Variants in ADARB2 observed in about 807,000 individuals in gnomAD.
The protein encoded by ADARB2 is inactive double-stranded RNA-specific editase B2.
In ADARB2, 25 loss-of-function variants were observed where a neutral mutation model predicts 62.2. The ratio of observed to expected loss-of-function variants is 0.40; its 90% CI spans 0.29 to 0.56. The LOEUF (loss-of-function observed/expected upper bound fraction) is 0.56, where lower values mean the gene tolerates loss of function less well. ADARB2 is among the 20% of genes least tolerant of loss of function. ADARB2 has a pLI of 0.43. For missense variants in ADARB2, 1,071 were observed against 1,077.4 expected (o/e 0.99, Z 0.08); for synonymous variants, 572 against 500.8 (o/e 1.14, Z -1.90).
chr10:1,691,899 ATGTGTGTG>A (rs57984302), intron 1 of ADARB2, among the ~76,000 whole-genome samples: 7 of 150,392 alleles, frequency 4.7e-5, no homozygotes, highest in Non-Finnish European at 8.9e-5. Context: ...TCATTACTAA[ATGTGTGTG>A]TGTGTGTGTG....
intron 3 of ADARB2, among the ~76,000 whole-genome samples, chr10:1,339,795 A>G (rs1055172339): frequency 6.6e-5 from 10 of 152,230 alleles, no homozygotes; most frequent in African/African-American, 2.4e-4. Context: ...CCCACCCGTG[A>G]CCAAGTGCAG....
At chr10:1,542,369 T>C (rs545174378) in intron 1 of ADARB2, among the ~76,000 whole-genome samples, 34 of 2,964 alleles carry the variant, frequency 0.011, no homozygotes, top group African/African-American at 0.023. Context: ...CCGTCCAGAC[T>C]CCACTCAGAC....
chr10:1,362,777 G>A (rs1321380867), intron 3 of ADARB2, among the ~76,000 whole-genome samples: 1 of 152,166 alleles, frequency 6.6e-6, no homozygotes, highest in Non-Finnish European at 1.5e-5. Flanking sequence ...GCAGACAGAG[G>A]CGCCCTGGCC....
chr10:1,260,094 TAAAC>T (rs761080320), intron 4 of ADARB2, among the ~76,000 whole-genome samples: 58 of 144,478 alleles, frequency 4.0e-4, no homozygotes, highest in African/African-American at 1.5e-3. Context: ...TTGACAAAAT[TAAAC>T]AACCCTTCAT....
intron 1 of ADARB2, among the ~76,000 whole-genome samples, chr10:1,464,971 C>T (rs957712787): frequency 2.0e-5 from 3 of 152,222 alleles, no homozygotes; most frequent in African/African-American, 4.8e-5. Context: ...CTTGGTTCAT[C>T]GTCACCCTGA....
rs1832276037 is a variant in ADARB2 at position 1,363,085 on chromosome 10, G to T, written c.1020C>A (p.Phe340Leu). Residue 340 changes from phenylalanine to leucine, a missense_variant, in exon 3 of 10, where the codon TTC becomes TTA. By Grantham distance (22) the Phe-to-Leu change is conservative. Coordinates refer to ENST00000381312, the MANE Select transcript of ADARB2 (RefSeq NM_018702.4). ...QAAQAALQELFDIQMPGHAPG... is the reference protein window; with the variant it reads ...QAAQAALQELLDIQMPGHAPG... ...GCGCGTGGCCGGGCATCTGGATGTC[G>T]AACAGCTCCTGCAGTGCGGCCTGCG... 2 of 1,483,952 alleles carry T rather than the reference G, an allele frequency of 1.3e-6. No individual in the cohort carries two copies. The highest frequency in any genetic ancestry group is 1.3e-5 in the South Asian group (1 of 76,736). 91.9% of individuals were successfully genotyped at this position (1,483,952 alleles called of 1,614,324 possible).
chr10:1,364,962 T>A (rs866731811), intron 2 of ADARB2, among the ~76,000 whole-genome samples: 2 of 149,280 alleles, frequency 1.3e-5, no homozygotes, highest in South Asian at 2.1e-4. Flanking sequence ...AACCTCCGCC[T>A]CCCAGATTCA....
At chr10:1,339,333 G>A (rs932061126) in intron 3 of ADARB2, among the ~76,000 whole-genome samples, 1 of 152,196 alleles carries the variant, frequency 6.6e-6, no homozygotes, top group Non-Finnish European at 1.5e-5. Context: ...CGAAGTCTAC[G>A]GGACTAAGGA....
intron 1 of ADARB2, among the ~76,000 whole-genome samples, chr10:1,455,915 A>T (rs1831089959): frequency 6.6e-6 from 1 of 152,192 alleles, no homozygotes; most frequent in Non-Finnish European, 1.5e-5. Flanking sequence ...AACAAAAGGG[A>T]TTCGTTTTTC....
intron 1 of ADARB2, among the ~76,000 whole-genome samples, chr10:1,535,833 T>G (rs1397668433): frequency 1.3e-5 from 2 of 152,138 alleles, no homozygotes; most frequent in Non-Finnish European, 2.9e-5. Flanking sequence ...CTCGCCCCTG[T>G]GAGTCCATAG....
intron 1 of ADARB2, among the ~76,000 whole-genome samples, chr10:1,723,787 G>A (rs561605065): frequency 2.6e-5 from 4 of 152,276 alleles, no homozygotes; most frequent in South Asian, 2.1e-4. Flanking sequence ...AGGGCACCAC[G>A]TGGCAAAGAC....
chr10:1,377,881 A>G (rs1255722893), intron 2 of ADARB2, among the ~76,000 whole-genome samples: 1 of 152,068 alleles, frequency 6.6e-6, no homozygotes, highest in Non-Finnish European at 1.5e-5. Context: ...AGTATAGTTA[A>G]TTATTATGCT....
In ADARB2 at chr10:1,324,915, T is replaced by C. The variant is rs57601763; in HGVS notation, c.1077+38113A>G. Among the ~76,000 whole-genome samples the C allele has an allele frequency of 9.3e-3, 1,413 of 152,306 alleles. 47 individuals carry two copies. Among genetic ancestry groups the C allele is most frequent in the East Asian group, 0.08 (416 of 5,184 alleles). On this transcript the variant is annotated intron_variant, in intron 3 of 9. Transcript: ENST00000381312. ...CGAGCCAGGGGATTGTCAATGCCTG[T>C]CTGTCTGTGAGGCGTTGTGCTCCGG...
intron 1 of ADARB2, among the ~76,000 whole-genome samples, chr10:1,470,619 G>A (rs757502610): frequency 3.3e-5 from 5 of 152,178 alleles, no homozygotes; most frequent in African/African-American, 4.8e-5. Flanking sequence ...ATTAACTCAA[G>A]AACACCAATT....
chr10:1,230,276 C>T (rs118111195), intron 6 of ADARB2, among the ~76,000 whole-genome samples: 1,657 of 152,160 alleles, frequency 0.011, 28 homozygotes, highest in South Asian at 0.021. Context: ...GGGGCAGTGC[C>T]GCTGGGTTTC....
intron 3 of ADARB2, among the ~76,000 whole-genome samples, chr10:1,297,180 C>A (rs1385997644): frequency 6.6e-6 from 1 of 152,190 alleles, no homozygotes; most frequent in East Asian, 1.9e-4. Flanking sequence ...TTATCCTGGC[C>A]TTAGAGGAAG....
At chr10:1,616,307 T>A (rs970175426) in intron 1 of ADARB2, among the ~76,000 whole-genome samples, 1 of 152,130 alleles carries the variant, frequency 6.6e-6, no homozygotes, top group African/African-American at 2.4e-5. Context: ...GAATGTTTCA[T>A]CGAGAAAAAA....
At chr10:1,309,197 G>A (rs751859753) in intron 3 of ADARB2, among the ~76,000 whole-genome samples, 2 of 152,206 alleles carry the variant, frequency 1.3e-5, no homozygotes, top group Non-Finnish European at 2.9e-5. Context: ...TACCCAGAGG[G>A]TGACTGATAA....
intron 1 of ADARB2, among the ~76,000 whole-genome samples, chr10:1,686,228 G>A (rs1834594981): frequency 6.6e-6 from 1 of 152,240 alleles, no homozygotes; most frequent in South Asian, 2.1e-4. Context: ...CCATCGATCT[G>A]CAGGGGCAGG....
Sources: allele counts gnomAD v4.1 joint callset (sites outside exome capture counted in the v4.1 genomes callset), GRCh38; gene constraint gnomAD v4.1.1; transcripts MANE v1.5; gene names NCBI Gene and HGNC (gene_info 2026-07-23, HGNC 2026-07-21).